The following CLIP4 variants were observed in gnomAD, a reference collection of about 807,000 sequenced individuals.
CLIP4 encodes CAP-Gly domain-containing linker protein 4.
Under a neutral mutation model 73.1 loss-of-function variants are expected in CLIP4, and 47 were observed. The ratio of observed to expected loss-of-function variants is 0.64; its 90% CI spans 0.51 to 0.82. CLIP4 has a LOEUF of 0.82. CLIP4 is among the 40% of genes least tolerant of loss of function. The pLI, the probability that CLIP4 is intolerant of heterozygous loss-of-function variation, is 0.00. For synonymous variants in CLIP4, 306 were observed against 295.4 expected, an observed-to-expected ratio of 1.04 and a Z score of -0.37; for missense variants, 874 against 852.9, an observed-to-expected ratio of 1.02 and a Z score of -0.31.
rs1392113385 is a variant in CLIP4 at position 29,115,683 on chromosome 2, G to A, written c.-16+18G>A. ...GGAGGCAGGTGGGCCGGGGGCGCGC[G>A]GGGCCCCCCCGGGCCGCGGGCTGGC... On this transcript the variant is annotated intron_variant, in intron 1 of 15. Transcript: ENST00000320081. The surrounding 1 kb of genome is among the most constrained non-coding windows in gnomAD (Gnocchi z 5.1). 12 of 147,618 alleles carry A rather than the reference G, an allele frequency of 8.1e-5. No homozygotes were observed. In the East Asian group the frequency reaches 2.0e-3, roughly 24 times the overall value. 9.1% of individuals were successfully genotyped at this position (147,618 alleles called of 1,614,324 possible). A position where few individuals can be genotyped will look rare whatever the true frequency, so the allele number is the denominator to read the frequency against.
In CLIP4 at chr2:29,181,725, A is replaced by G. The variant is rs373198966; in HGVS notation, c.1950A>G (p.Ser650=). Residue 650 remains serine (S), a synonymous_variant, in exon 16 of 16, where the codon TCA becomes TCG. Transcript: ENST00000320081. ...ATGTGGGCCCCACTGACTTTGCTTC[A>G]GGTATCTGGCTTGGACTTGAGCTCC... ...VRYVGPTDFA[S]GIWLGLELRS... 9.9e-6 allele frequency: 16 copies of G among 1,614,080 alleles called. No homozygotes were observed. Among genetic ancestry groups the G allele is most frequent in the Admixed American group, 3.3e-5 (2 of 59,998 alleles).
intron 1 of CLIP4, among the ~76,000 whole-genome samples, chr2:29,119,299 G>T (rs1053184137): frequency 6.6e-6 from 1 of 152,146 alleles, no homozygotes; most frequent in Non-Finnish European, 1.5e-5. Context: ...TCTAGCTCCT[G>T]TGGTGACTGC....
chr2:29,138,489 C>CTT (rs545466027), intron 6 of CLIP4, among the ~76,000 whole-genome samples: 93 of 140,734 alleles, frequency 6.6e-4, no homozygotes, highest in African/African-American at 2.0e-3. Context: ...TATTTGGGCT[C>CTT]TTTTTTTTTT....
At chr2:29,103,541 G>T (rs992423841) in intron 1 of CLIP4, among the ~76,000 whole-genome samples, 2 of 152,024 alleles carry the variant, frequency 1.3e-5, no homozygotes, top group Non-Finnish European at 2.9e-5. Flanking sequence ...TGATAAAGTA[G>T]GTACTGCTAC....
At chr2:29,098,003 T>G (rs1170706077) in intron 1 of CLIP4, 1 of 152,238 alleles carries the variant, frequency 6.6e-6, no homozygotes, top group Non-Finnish European at 1.5e-5. Context: ...ATGAAACTCA[T>G]TTCTGCTAAG....
intron 6 of CLIP4, among the ~76,000 whole-genome samples, chr2:29,136,721 G>A (rs1034346938): frequency 6.6e-6 from 1 of 152,094 alleles, no homozygotes; most frequent in Admixed American, 6.6e-5. Context: ...GGTGAGGAAA[G>A]CATCTTAGGC....
chr2:29,180,840 A>G (rs937633156), intron 15 of CLIP4, among the ~76,000 whole-genome samples: 5 of 150,268 alleles, frequency 3.3e-5, no homozygotes, highest in Non-Finnish European at 7.4e-5. Context: ...ATATATATGT[A>G]TGTGTGTGTG....
intron 12 of CLIP4, among the ~76,000 whole-genome samples, chr2:29,162,721 T>G (rs527733597): frequency 1.9e-3 from 283 of 152,330 alleles, no homozygotes; most frequent in African/African-American, 6.3e-3. Flanking sequence ...GGAAATGTGA[T>G]GACCTATGTT....
chr2:29,158,809 C>T (rs1055221203), intron 11 of CLIP4, among the ~76,000 whole-genome samples: 13 of 152,146 alleles, frequency 8.5e-5, no homozygotes, highest in Non-Finnish European at 2.9e-5. Flanking sequence ...CTTGCTGTGT[C>T]GCCCAGGCTG....
At chr2:29,174,286 A>G in intron 14 of CLIP4, 87 bp from the exon 15 acceptor site, 1 of 1,113,696 alleles carries the variant, frequency 9.0e-7, no homozygotes, top group Non-Finnish European at 1.3e-6. Flanking sequence ...ATAATAGAAC[A>G]TCTACAGAAG....
Position 29,133,701 on chromosome 2 carries a change from G to T in CLIP4, c.414G>T (p.Leu138=), listed in dbSNP as rs17749904. The part of the protein sequence containing the change: ...AVKFATQLID[L]GADISLRSRW... ...AATTTGCAACTCAGCTTATTGACCT[G>T]GGAGCAGACATTAGTTTGCGGAGTC... The change falls in exon 5 of 16, where the codon CTG becomes CTT. Residue 138 remains leucine, a synonymous_variant. Coordinates refer to ENST00000320081, the MANE Select transcript of CLIP4 (RefSeq NM_024692.6). The T allele has an allele frequency of 1.9e-6, 3 of 1,613,134 alleles. No homozygotes were observed. The highest frequency in any genetic ancestry group is 2.2e-5 in the South Asian group (2 of 90,886).
chr2:29,172,025 CAT>C (rs1668042873), intron 14 of CLIP4, among the ~76,000 whole-genome samples: 2 of 75,104 alleles, frequency 2.7e-5, no homozygotes, highest in African/African-American at 1.1e-4. Flanking sequence ...TTTTTTTTTT[CAT>C]TCTGTTTACT....
At chr2:29,175,172 A>G (rs1045821323) in intron 15 of CLIP4, among the ~76,000 whole-genome samples, 1 of 152,132 alleles carries the variant, frequency 6.6e-6, no homozygotes, top group African/African-American at 2.4e-5. Flanking sequence ...TTGATGTCCC[A>G]CTGTGGATAG....
In CLIP4 at chr2:29,131,412, C is replaced by A. The variant is rs188032968; in HGVS notation, c.273+15C>A. 7.6e-6 allele frequency: 12 copies of A among 1,581,508 alleles called. No homozygotes were observed. The highest frequency in any genetic ancestry group is 8.6e-6 in the Non-Finnish European group (10 of 1,169,482). ...TTGGAAATGAGGTAAGGAATTCTTA[C>A]ATTTTAAGTTTTGCATTGTTAGGAT... On this transcript the variant is annotated intron_variant, in intron 3 of 15. Transcript: ENST00000320081.
intron 14 of CLIP4, among the ~76,000 whole-genome samples, chr2:29,168,443 G>C (rs933044637): frequency 2.0e-5 from 3 of 149,190 alleles, no homozygotes; most frequent in African/African-American, 7.4e-5. Context: ...TATTGTTTTT[G>C]GTGTCTTTAG....
chr2:29,107,358 G>GTTT (rs796180363), intron 1 of CLIP4, among the ~76,000 whole-genome samples: 1,439 of 65,234 alleles, frequency 0.022, 372 homozygotes, highest in East Asian at 0.13. Flanking sequence ...GAACATGATA[G>GTTT]TTTTTTTTTT....
intron 9 of CLIP4, among the ~76,000 whole-genome samples, chr2:29,154,473 A>C (rs909335496): frequency 5.3e-5 from 8 of 152,226 alleles, no homozygotes; most frequent in Admixed American, 1.3e-4. Context: ...CTTTGGTCCA[A>C]GGACATAGAT....
chr2:29,115,867 G>A lies in CLIP4; in HGVS notation c.-16+202G>A, dbSNP rs1167453769. On this transcript the variant is annotated intron_variant, in intron 1 of 15. Coordinates refer to ENST00000320081, the MANE Select transcript of CLIP4 (RefSeq NM_024692.6). The surrounding 1 kb of genome is among the most constrained non-coding windows in gnomAD (Gnocchi z 5.1). ...GGCCGCGGGGAGGCCTTCTCGGGGCGGAGCGGCCCACCCGGCGGGGATGGG... is the reference window on the plus strand; with the variant it reads ...GGCCGCGGGGAGGCCTTCTCGGGGCAGAGCGGCCCACCCGGCGGGGATGGG... 6.6e-6 allele frequency among the ~76,000 whole-genome samples: 1 copy of A among 151,942 alleles called. No homozygotes were observed. Among genetic ancestry groups the A allele is most frequent in the African/African-American group, 2.4e-5 (1 of 41,418 alleles).
chr2:29,178,042 A>G (rs1291913801), intron 15 of CLIP4, among the ~76,000 whole-genome samples: 1 of 152,194 alleles, frequency 6.6e-6, no homozygotes, highest in Non-Finnish European at 1.5e-5. Context: ...TTTTTTGTTT[A>G]TGAAAGTTGT....
Sources: allele counts gnomAD v4.1 joint callset (sites outside exome capture counted in the v4.1 genomes callset), GRCh38; gene constraint gnomAD v4.1.1; non-coding constraint Gnocchi (gnomAD v3.1); transcripts MANE v1.5; gene names NCBI Gene and HGNC (gene_info 2026-07-23, HGNC 2026-07-21).